The following ZC3H12B variants were observed in gnomAD, a reference collection of about 807,000 sequenced individuals.
ZC3H12B encodes the protein probable ribonuclease ZC3H12B.
Under a neutral mutation model 43.9 loss-of-function variants are expected in ZC3H12B, and 7 were observed. That is an observed-to-expected ratio of 0.16 (90% CI 0.09 to 0.30). ZC3H12B has a LOEUF of 0.30. Ranked by LOEUF, ZC3H12B falls within the 10% of genes least tolerant of loss-of-function variation. ZC3H12B has a pLI of 1.00. For synonymous variants in ZC3H12B, 222 were observed against 241.7 expected (o/e 0.92, Z 0.76); for missense variants, 475 against 670.2 (o/e 0.71, Z 3.22).
chrX:65,211,281 C>A, the ZC3H12B span, among the ~76,000 whole-genome samples: 1 of 108,746 alleles, frequency 9.2e-6, no homozygotes, highest in Non-Finnish European at 1.9e-5. Context: ...ATGATAGTTT[C>A]TTTTGCTGTA....
the ZC3H12B span, among the ~76,000 whole-genome samples, chrX:65,251,179 A>G: frequency 1.8e-5 from 2 of 111,808 alleles, no homozygotes; most frequent in Non-Finnish European, 3.8e-5. Flanking sequence ...TCCCAGGACC[A>G]TTTATTAAAT....
At chrX:65,450,083 G>T (rs921763632) in intron 3 of ZC3H12B, among the ~76,000 whole-genome samples, 1 of 108,581 alleles carries the variant, frequency 9.2e-6, no homozygotes, top group Non-Finnish European at 1.9e-5. Context: ...GAGGAGGGTA[G>T]ATCGTGAGGT....
chrX:65,063,302 A>G, the ZC3H12B span, among the ~76,000 whole-genome samples: 1 of 111,708 alleles, frequency 9.0e-6, no homozygotes, highest in Non-Finnish European at 1.9e-5. Flanking sequence ...TGGGTTTGTC[A>G]TAAATAGCTC....
chrX:65,155,675 G>A, the ZC3H12B span, among the ~76,000 whole-genome samples: 1 of 110,665 alleles, frequency 9.0e-6, no homozygotes, highest in East Asian at 2.8e-4. Context: ...GCAACATGGT[G>A]AAACCTCGTC....
the ZC3H12B span, among the ~76,000 whole-genome samples, chrX:65,327,331 G>T: frequency 4.0e-4 from 45 of 111,178 alleles, no homozygotes; most frequent in Non-Finnish European, 6.8e-4. Context: ...ATACTGTTTA[G>T]CTTTTTGGGA....
chrX:65,417,735 G>A (rs904217949), intron 3 of ZC3H12B, among the ~76,000 whole-genome samples: 11 of 112,740 alleles, frequency 9.8e-5, no homozygotes, highest in Admixed American at 2.8e-4. Flanking sequence ...GCCTTTTTGC[G>A]TGGGCAAAGC....
the ZC3H12B span, among the ~76,000 whole-genome samples, chrX:65,322,777 C>A: frequency 2.7e-5 from 3 of 111,354 alleles, no homozygotes; most frequent in Admixed American, 1.9e-4. Flanking sequence ...TTTCTGTTTA[C>A]AAATAATGAA....
At chrX:65,050,436 G>A in the ZC3H12B span, among the ~76,000 whole-genome samples, 3 of 110,519 alleles carry the variant, frequency 2.7e-5, no homozygotes, top group African/African-American at 9.9e-5. Flanking sequence ...CCAATGCTAT[G>A]TTGAATAGAA....
the ZC3H12B span, among the ~76,000 whole-genome samples, chrX:65,048,522 G>A: frequency 9.0e-6 from 1 of 111,381 alleles, no homozygotes; most frequent in African/African-American, 3.3e-5. Flanking sequence ...CCATTATATA[G>A]TCCCAACAAC....
chrX:65,467,442 A>T (rs1202865262), intron 3 of ZC3H12B, among the ~76,000 whole-genome samples: 1 of 111,314 alleles, frequency 9.0e-6, no homozygotes, highest in Admixed American at 9.6e-5. Flanking sequence ...TGATATAATG[A>T]CTTATTTTCC....
intron 3 of ZC3H12B, among the ~76,000 whole-genome samples, chrX:65,406,838 G>C (rs1417281967): frequency 8.9e-6 from 1 of 112,628 alleles, no homozygotes; most frequent in Non-Finnish European, 1.9e-5. Context: ...CGGGACCCGC[G>C]CCACCAGCCC....
the ZC3H12B span, among the ~76,000 whole-genome samples, chrX:65,053,521 GGTTA>G: frequency 9.0e-6 from 1 of 111,355 alleles, no homozygotes. Flanking sequence ...TGGACATTTG[GGTTA>G]GTTCCAAGTC....
At chrX:65,215,912 A>T in the ZC3H12B span, among the ~76,000 whole-genome samples, 2 of 111,393 alleles carry the variant, frequency 1.8e-5, no homozygotes, top group Non-Finnish European at 3.8e-5. Context: ...TGTCTCAGGG[A>T]ATAGGGAAGC....
chrX:65,358,472 T>TA, the ZC3H12B span, among the ~76,000 whole-genome samples: 1 of 111,427 alleles, frequency 9.0e-6, no homozygotes, highest in African/African-American at 3.3e-5. Context: ...ACGGAAATCA[T>TA]AAAAAACAGT....
upstream of ZC3H12B, among the ~76,000 whole-genome samples, chrX:65,366,412 G>A (rs1008677935): frequency 7.1e-5 from 8 of 112,054 alleles, no homozygotes; most frequent in Non-Finnish European, 1.5e-4. Flanking sequence ...GTTTGTATAT[G>A]TATTTGTTCT....
At chrX:65,365,911 G>A (rs940087979), upstream of ZC3H12B, among the ~76,000 whole-genome samples, 5 of 109,079 alleles carry the variant, frequency 4.6e-5, no homozygotes, top group Non-Finnish European at 9.5e-5. Flanking sequence ...TCCCTTCATT[G>A]ACTCTCTTTT....
the ZC3H12B span, among the ~76,000 whole-genome samples, chrX:65,270,099 G>C: frequency 1.0e-5 from 1 of 97,280 alleles, no homozygotes; most frequent in Admixed American, 9.9e-5. Context: ...GAAAATCTAA[G>C]TAGGAGGCAT....
the ZC3H12B span, among the ~76,000 whole-genome samples, chrX:65,170,881 C>G: frequency 8.9e-6 from 1 of 111,987 alleles, no homozygotes; most frequent in Admixed American, 9.5e-5. Context: ...GTTTTCAGCT[C>G]CATCAGGTCA....
chrX:65,274,049 A>G, the ZC3H12B span, among the ~76,000 whole-genome samples: 1 of 112,102 alleles, frequency 8.9e-6, no homozygotes, highest in Non-Finnish European at 1.9e-5. Flanking sequence ...ATAGGAGGGC[A>G]GAATGGCATC....
Sources: gnomAD v4.1 joint callset for allele counts (sites outside exome capture counted in the v4.1 genomes callset) on GRCh38, gnomAD v4.1.1 for gene constraint, MANE v1.5 for transcripts, NCBI Gene and HGNC (gene_info 2026-07-23, HGNC 2026-07-21) for gene names.